The following FARP2 variants were observed in gnomAD, a reference collection of about 807,000 sequenced individuals.
The protein encoded by FARP2 is FERM, ARHGEF and pleckstrin domain-containing protein 2.
Under a neutral mutation model 130.5 loss-of-function variants are expected in FARP2, and 111 were observed. The observed-to-expected ratio is 0.85, with a 90% CI of 0.73 to 1.00. The LOEUF is 1.00. FARP2 is among the 50% of genes least tolerant of loss of function. The pLI, the probability that FARP2 is intolerant of heterozygous loss-of-function variation, is 0.00. For synonymous variants in FARP2, 504 were observed against 516.9 expected, an observed-to-expected ratio of 0.98 and a Z score of 0.34; for missense variants, 1,385 against 1,346.3, an observed-to-expected ratio of 1.03 and a Z score of -0.45.
rs2062719734 is a variant in FARP2 at position 241,417,977 on chromosome 2, T to C, written c.639T>C (p.Ala213=). The change falls in exon 8 of 27, where the codon GCT becomes GCC. Residue 213 remains alanine (A), a synonymous_variant. Transcript: ENST00000264042. ...FHQKHVGQTP[A]ESDFQVLEIA... is the part of the protein sequence containing the mutation. Reference sequence around the variant, plus strand: ...TTTATTACAGGGGCCAGACACCTGCTGAGTCGGATTTCCAGGTGCTCGAAA... The same window carrying C: ...TTTATTACAGGGGCCAGACACCTGCCGAGTCGGATTTCCAGGTGCTCGAAA... 6.2e-7 allele frequency: 1 copy of C among 1,614,222 alleles called. No homozygotes were observed. Among genetic ancestry groups the C allele is most frequent in the Non-Finnish European group, 8.5e-7 (1 of 1,180,042 alleles).
intron 18 of FARP2, among the ~76,000 whole-genome samples, chr2:241,472,335 G>C (rs2064343558): frequency 6.6e-6 from 1 of 151,728 alleles, no homozygotes; most frequent in Non-Finnish European, 1.5e-5. Flanking sequence ...GCTGTTCTCA[G>C]GGGACCCTGT....
intron 23 of FARP2, 67 bp from the exon 24 acceptor site, chr2:241,491,449 G>A: frequency 6.4e-7 from 1 of 1,569,280 alleles, no homozygotes; most frequent in Non-Finnish European, 8.7e-7. Flanking sequence ...GAACCCAAGG[G>A]GTGGAAGTAT....
intron 13 of FARP2, chr2:241,445,397 A>G (rs1454574710): frequency 6.6e-6 from 1 of 152,226 alleles, no homozygotes; most frequent in African/African-American, 2.4e-5. Context: ...TGGCTTTAGA[A>G]CCATAAGGAA....
intron 17 of FARP2, chr2:241,465,819 T>C: frequency 6.5e-7 from 1 of 1,545,260 alleles, no homozygotes; most frequent in South Asian, 1.2e-5. Context: ...TGCGAGACTC[T>C]GGCCACTCCT....
At chr2:241,454,274 G>A (rs1359163290) in intron 13 of FARP2, among the ~76,000 whole-genome samples, 1 of 152,088 alleles carries the variant, frequency 6.6e-6, no homozygotes, top group Non-Finnish European at 1.5e-5. Flanking sequence ...CTAGTGGCTT[G>A]CTGTTGGACT....
chr2:241,481,038 C>A (rs1470612502), intron 19 of FARP2, among the ~76,000 whole-genome samples: 1 of 130,692 alleles, frequency 7.7e-6, no homozygotes, highest in Non-Finnish European at 1.6e-5. Flanking sequence ...GGGCAACATA[C>A]TGATACCTTG....
intron 2 of FARP2, among the ~76,000 whole-genome samples, chr2:241,381,343 A>C (rs1575478454): frequency 2.0e-5 from 3 of 152,194 alleles, no homozygotes; most frequent in African/African-American, 4.8e-5. Flanking sequence ...GAAATTCCTC[A>C]AGGTGCTCTA....
chr2:241,389,610 G>A (rs1377156439), intron 2 of FARP2, among the ~76,000 whole-genome samples: 1 of 152,196 alleles, frequency 6.6e-6, no homozygotes, highest in African/African-American at 2.4e-5. Context: ...TCAAGGTTAC[G>A]CAGGAACTCA....
At position 241,484,322 on chromosome 2, in the gene FARP2, A is replaced by G; in HGVS notation, c.2412A>G (p.Gln804=). The change falls in exon 21 of 27, where the codon CAA becomes CAG. Residue 804 remains glutamine (Q), a synonymous_variant. Coordinates refer to ENST00000264042, the MANE Select transcript of FARP2 (RefSeq NM_014808.4). ...HFRIRGLLPL[Q]GMLVEESDNE... is the part of the protein sequence containing the mutation. ...GGATCCGGGGCCTCCTTCCCCTCCA[A>G]GGCATGCTGGTGAGTGGTCTTGCAC... The G allele has an allele frequency of 6.2e-7, 1 of 1,614,018 alleles. No homozygotes were observed. The highest frequency in any genetic ancestry group is 8.5e-7 in the Non-Finnish European group (1 of 1,179,910).
At chr2:241,469,243 C>T (rs2064249857) in intron 18 of FARP2, among the ~76,000 whole-genome samples, 1 of 152,094 alleles carries the variant, frequency 6.6e-6, no homozygotes, top group Admixed American at 6.5e-5. Context: ...CCCGCCACCA[C>T]ACCCAGCTAA....
intron 8 of FARP2, among the ~76,000 whole-genome samples, chr2:241,420,739 G>C (rs1471219687): frequency 6.6e-6 from 1 of 152,096 alleles, no homozygotes; most frequent in African/African-American, 2.4e-5. Flanking sequence ...CTACTTTTTA[G>C]CAGGTTTACT....
intron 21 of FARP2, chr2:241,488,461 G>A (rs1216642095): frequency 6.9e-6 from 1 of 145,108 alleles, no homozygotes; most frequent in Non-Finnish European, 1.5e-5. Flanking sequence ...CTGTGTCCCA[G>A]GCTGGAGTGC....
chr2:241,356,816 C>A (rs554412917), intron 1 of FARP2, among the ~76,000 whole-genome samples: 1 of 152,330 alleles, frequency 6.6e-6, no homozygotes, highest in South Asian at 2.1e-4. Flanking sequence ...GCCATAGGGA[C>A]CCGCAGGGTA....
chr2:241,388,812 A>G (rs933580036), intron 2 of FARP2, among the ~76,000 whole-genome samples: 3 of 151,892 alleles, frequency 2.0e-5, no homozygotes, highest in African/African-American at 7.3e-5. Context: ...TGGGTAACAG[A>G]GTGAGATCCT....
chr2:241,388,399 C>T lies in FARP2; in HGVS notation c.183+15109C>T, dbSNP rs142222379. Among the ~76,000 whole-genome samples, 469 of 152,296 alleles carry T rather than the reference C, an allele frequency of 3.1e-3. 2 individuals carry two copies. Among genetic ancestry groups the T allele is most frequent in the African/African-American group, 0.011 (453 of 41,558 alleles). On this transcript the variant is annotated intron_variant, in intron 2 of 26. Transcript: ENST00000264042. ...ACATGCAAAGAATGAATTTGGACCC[C>T]TACTTCACATCATACTCAAAAACTA...
intron 5 of FARP2, among the ~76,000 whole-genome samples, chr2:241,408,176 T>A (rs536311997): frequency 6.6e-6 from 1 of 152,288 alleles, no homozygotes; most frequent in African/African-American, 2.4e-5. Context: ...GAGACCATCC[T>A]GGCTAACACA....
chr2:241,434,907 A>G, intron 10 of FARP2, 55 bp from the exon 11 acceptor site: 1 of 1,067,122 alleles, frequency 9.4e-7, no homozygotes, highest in Non-Finnish European at 1.4e-6. Flanking sequence ...TTTTACTCTG[A>G]AAAATTAATG....
At chr2:241,371,353 G>A (rs913115436) in intron 1 of FARP2, among the ~76,000 whole-genome samples, 3 of 152,170 alleles carry the variant, frequency 2.0e-5, no homozygotes, top group African/African-American at 7.2e-5. Flanking sequence ...GTGTGATGGC[G>A]CATGCCTGTG....
chr2:241,414,320 G>C (rs1291703204), intron 7 of FARP2, among the ~76,000 whole-genome samples: 1 of 152,238 alleles, frequency 6.6e-6, no homozygotes, highest in Non-Finnish European at 1.5e-5. Context: ...CTCTGGCCCA[G>C]GTGGCTGGGA....
Sources: allele counts gnomAD v4.1 joint callset (sites outside exome capture counted in the v4.1 genomes callset), GRCh38; gene constraint gnomAD v4.1.1; transcripts MANE v1.5; gene names NCBI Gene and HGNC (gene_info 2026-07-23, HGNC 2026-07-21).